NRCAM: variants seen among roughly 807,000 people sequenced by gnomAD.
The protein encoded by NRCAM is NgCAM-related cell adhesion molecule.
Under a neutral mutation model 156.5 loss-of-function variants are expected in NRCAM, and 83 were observed. The ratio of observed to expected loss-of-function variants is 0.53; its 90% CI spans 0.44 to 0.64. NRCAM has a LOEUF of 0.64. NRCAM is among the 30% of genes least tolerant of loss of function. The probability of loss-of-function intolerance (pLI) is 0.00; values close to 1 mark genes in which losing one functional copy is unlikely to be tolerated. For synonymous variants in NRCAM, 538 were observed against 563.9 expected (o/e 0.95, Z 0.65); for missense variants, 1,417 against 1,597.3 (o/e 0.89, Z 1.92).
At chr7:108,412,297 ACAG>A (rs768276586) in intron 1 of NRCAM, among the ~76,000 whole-genome samples, 2 of 151,520 alleles carry the variant, frequency 1.3e-5, no homozygotes, top group African/African-American at 4.8e-5. Flanking sequence ...CTAAATTATC[ACAG>A]CAAATGTCTG....
intron 28 of NRCAM, among the ~76,000 whole-genome samples, chr7:108,172,708 G>T (rs1315429847): frequency 5.3e-5 from 8 of 152,178 alleles, no homozygotes; most frequent in African/African-American, 1.4e-4. Context: ...TGACTCAAAG[G>T]TCTCGCGTAT....
At chr7:108,180,456 T>C (rs2062818271) in intron 24 of NRCAM, 29 bp from the exon 25 acceptor site, 3 of 1,576,836 alleles carry the variant, frequency 1.9e-6, no homozygotes, top group Non-Finnish European at 2.6e-6. Flanking sequence ...AAGTCAGGAA[T>C]GCAGAAAGGA....
chr7:108,165,709 T>G (rs2053620659), intron 30 of NRCAM, among the ~76,000 whole-genome samples: 1 of 152,238 alleles, frequency 6.6e-6, no homozygotes, highest in Admixed American at 6.5e-5. Flanking sequence ...CTTTAAAATA[T>G]AGTTTAATAC....
intron 2 of NRCAM, among the ~76,000 whole-genome samples, chr7:108,342,983 A>G (rs544510556): frequency 6.6e-6 from 1 of 152,240 alleles, no homozygotes; most frequent in Non-Finnish European, 1.5e-5. Flanking sequence ...GGCAATGAAG[A>G]AAAGATATAA....
chr7:108,198,091 C>T lies in NRCAM; in HGVS notation c.1216G>A (p.Asp406Asn). Residue 406 changes from aspartate (D) to asparagine (N), a missense_variant, in exon 14 of 33, where the codon GAT becomes AAT. This residue lies in a region of NRCAM where 1,238 missense variants were observed against 1,336.4 expected (regional missense o/e 0.93). Transcript: ENST00000379028. ...CCATCTATTTTTCTGCTGGGGTCAT[C>T]AGGGGCAACTGTTTGGATGTAAAAA... ...TNGVPIEIAP[D>N]DPSRKIDGDT... 6.2e-7 allele frequency: 1 copy of T among 1,602,020 alleles called. No individual in the cohort carries two copies. The highest frequency in any genetic ancestry group is 8.5e-7 in the Non-Finnish European group (1 of 1,176,008).
chr7:108,159,642 T>A lies in NRCAM; in HGVS notation c.3599-101A>T, dbSNP rs1046074006. On this transcript the variant is annotated intron_variant, in intron 31 of 32. Transcript: ENST00000379028. ...GAGATATACAGCAGTGAAAAATAAT[T>A]CCATACACAAGTAGATGTTGTATAA... is the stretch of plus-strand genomic sequence containing the variant. 5 of 832,812 alleles carry A rather than the reference T, an allele frequency of 6.0e-6. No individual in the cohort carries two copies. The African/African-American group carries it at 8.3e-5, about 14-fold the overall frequency. 51.6% of individuals were successfully genotyped at this position (832,812 alleles called of 1,614,324 possible).
In NRCAM at chr7:108,182,953, A is replaced by G. The variant is rs2064308635; in HGVS notation, c.2305-33T>C. On this transcript the variant is annotated intron_variant, in intron 22 of 32. Transcript: ENST00000379028. ...GAAAGCCAAATAACCAGAGCTTATA[A>G]CACAAATCAACTGCACAATCTTTTA... 8 of 1,533,410 alleles carry G rather than the reference A, an allele frequency of 5.2e-6. No homozygotes were observed. The East Asian group carries it at 1.8e-4, about 35-fold the overall frequency. 95.0% of individuals were successfully genotyped at this position (1,533,410 alleles called of 1,614,324 possible). A position where few individuals can be genotyped will look rare whatever the true frequency, so the allele number is the denominator to read the frequency against.
intron 1 of NRCAM, among the ~76,000 whole-genome samples, chr7:108,445,905 G>C (rs893955758): frequency 6.6e-6 from 1 of 152,154 alleles, no homozygotes; most frequent in African/African-American, 2.4e-5. Context: ...TAAAGCTACA[G>C]CATGAGAGCT....
intron 15 of NRCAM, 133 bp downstream of exon 15, chr7:108,195,628 A>AAAT (rs1554543648): frequency 1.6e-5 from 10 of 608,394 alleles, no homozygotes; most frequent in African/African-American, 3.7e-5. Context: ...AAGAAAAAAA[A>AAAT]ATATATTAAC....
At chr7:108,327,453 T>C (rs1417206958) in intron 2 of NRCAM, among the ~76,000 whole-genome samples, 1 of 152,186 alleles carries the variant, frequency 6.6e-6, no homozygotes, top group Non-Finnish European at 1.5e-5. Flanking sequence ...TGGCAGAGTG[T>C]ATTTAATGCA....
chr7:108,356,565 T>TA (rs2099499878), intron 2 of NRCAM, among the ~76,000 whole-genome samples: 1 of 152,106 alleles, frequency 6.6e-6, no homozygotes, highest in African/African-American at 2.4e-5. Flanking sequence ...CGAGGAGCTA[T>TA]AAAAAAATTG....
At chr7:108,409,781 C>T (rs951738908) in intron 1 of NRCAM, among the ~76,000 whole-genome samples, 2 of 152,160 alleles carry the variant, frequency 1.3e-5, no homozygotes, top group African/African-American at 4.8e-5. Flanking sequence ...CCCATAGAAG[C>T]TGTGAACACA....
intron 2 of NRCAM, among the ~76,000 whole-genome samples, chr7:108,351,343 A>C (rs2099411208): frequency 6.6e-6 from 1 of 152,180 alleles, no homozygotes; most frequent in African/African-American, 2.4e-5. Flanking sequence ...GTATTCTATT[A>C]TAGCAACACA....
rs567634469 is a variant in NRCAM, at chr7:108,178,646, AAGCCCAACCTTGGCACACCCCC to A, written c.2852-556_2852-535del. Among the ~76,000 whole-genome samples the A allele has an allele frequency of 5.6e-3, 855 of 152,174 alleles. 7 individuals carry two copies. Among genetic ancestry groups the A allele is most frequent in the Non-Finnish European group, 9.6e-3 (652 of 67,994 alleles). ...CCAGGATCTGGTGGTGAATGGACAA[AAGCCCAACCTTGGCACACCCCC>A]AGCCCTGGGGAAGGCCCGAGGGGTC... is the stretch of plus-strand genomic sequence containing the variant. On this transcript the variant is annotated intron_variant, in intron 25 of 32. Coordinates refer to ENST00000379028, the MANE Select transcript of NRCAM (RefSeq NM_001037132.4).
At chr7:108,230,167 T>C (rs1239963594) in intron 8 of NRCAM, among the ~76,000 whole-genome samples, 1 of 152,144 alleles carries the variant, frequency 6.6e-6, no homozygotes, top group Non-Finnish European at 1.5e-5. Context: ...AATTCCATTT[T>C]ATCATTTTGG....
chr7:108,382,979 A>C (rs920744543), intron 2 of NRCAM, among the ~76,000 whole-genome samples: 5 of 152,188 alleles, frequency 3.3e-5, no homozygotes, highest in Non-Finnish European at 7.3e-5. Context: ...CAGTTCCCAA[A>C]GGGATATAAT....
chr7:108,229,974 A>G lies in NRCAM; in HGVS notation c.550+1057T>C, dbSNP rs367860212. Among the ~76,000 whole-genome samples, 15 of 152,258 alleles carry G rather than the reference A, an allele frequency of 9.9e-5. No individual in the cohort carries two copies. In the South Asian group the frequency reaches 2.3e-3, roughly 23 times the overall value. On this transcript the variant is annotated intron_variant, in intron 8 of 32. Transcript: ENST00000379028. ...TGGAAAGTGGAAAAAATAATTGGAC[A>G]TGCCTCATAGGGTTGTTGTAAAAAT...
chr7:108,226,392 G>C lies in NRCAM; in HGVS notation c.551-14C>G. On this transcript the variant is annotated splice_polypyrimidine_tract_variant and intron_variant, in intron 8 of 32. Coordinates refer to ENST00000379028, the MANE Select transcript of NRCAM (RefSeq NM_001037132.4). ...GTCTTTGAAAGGCTGGAGAAAGGCA[G>C]AGAGATATCAAGATTATTCCATCAT... 6.2e-7 allele frequency: 1 copy of C among 1,603,260 alleles called. No individual in the cohort carries two copies. Among genetic ancestry groups the C allele is most frequent in the Non-Finnish European group, 8.5e-7 (1 of 1,172,110 alleles).
intron 28 of NRCAM, among the ~76,000 whole-genome samples, chr7:108,171,159 G>T (rs1264007186): frequency 6.6e-6 from 1 of 152,142 alleles, no homozygotes; most frequent in Non-Finnish European, 1.5e-5. Context: ...GGGAGCTGTA[G>T]TGTCCCCTTT....
Sources: allele counts gnomAD v4.1 joint callset (sites outside exome capture counted in the v4.1 genomes callset), GRCh38; gene constraint gnomAD v4.1.1; regional missense constraint gnomAD v4.1.1; transcripts MANE v1.5; gene names NCBI Gene and HGNC (gene_info 2026-07-23, HGNC 2026-07-21).